Variants in PCGF3 observed in about 807,000 individuals in gnomAD.
The protein encoded by PCGF3 is polycomb group ring finger 3, also known as polycomb group RING finger protein 3.
Under a neutral mutation model 33.1 loss-of-function variants are expected in PCGF3, and 7 were observed. The ratio of observed to expected loss-of-function variants is 0.21; its 90% CI spans 0.12 to 0.40. The LOEUF (loss-of-function observed/expected upper bound fraction) is 0.40, where lower values mean the gene tolerates loss of function less well. PCGF3 is among the 10% of genes least tolerant of loss of function. PCGF3 has a pLI of 1.00. For missense variants in PCGF3, 211 were observed against 313.3 expected, an observed-to-expected ratio of 0.67 and a Z score of 2.46; for synonymous variants, 153 against 121.3, an observed-to-expected ratio of 1.26 and a Z score of -1.72.
intron 1 of PCGF3, among the ~76,000 whole-genome samples, chr4:708,177 A>G (rs911815722): frequency 1.3e-5 from 2 of 152,110 alleles, no homozygotes; most frequent in Non-Finnish European, 2.9e-5. Context: ...TGACATGGAC[A>G]GGCTTCTAGA....
intron 1 of PCGF3, among the ~76,000 whole-genome samples, chr4:727,233 C>CTTTGTTTTTTT (rs1743367327): frequency 4.8e-5 from 3 of 61,892 alleles, no homozygotes; most frequent in Non-Finnish European, 8.7e-5. Flanking sequence ...TAGCGAGCGT[C>CTTTGTTTTTTT]TTTTTTTTTT....
intron 1 of PCGF3, among the ~76,000 whole-genome samples, chr4:726,020 G>T (rs1372448168): frequency 6.6e-6 from 1 of 152,136 alleles, no homozygotes; most frequent in Non-Finnish European, 1.5e-5. Flanking sequence ...CCCGTCCACC[G>T]TGTGTCCATG....
intron 9 of PCGF3, chr4:761,825 G>C: frequency 1.0e-6 from 1 of 985,442 alleles, no homozygotes; most frequent in South Asian, 4.7e-5. Flanking sequence ...TTGGCAGCGG[G>C]CGCACCATGA....
At chr4:743,550 C>T in exon 7 of PCGF3, 2 of 1,611,628 alleles carry the variant, frequency 1.2e-6, no homozygotes, top group Non-Finnish European at 1.7e-6. Context: ...GGGAGACCTG[C>T]TCTGCAAAAC....
At chr4:749,578 C>T (rs1481878540) in intron 8 of PCGF3, among the ~76,000 whole-genome samples, 1 of 146,148 alleles carries the variant, frequency 6.8e-6, no homozygotes, top group Non-Finnish European at 1.5e-5. Flanking sequence ...CCTCTGCCTC[C>T]TGGGTTCAAG....
chr4:707,366 C>G (rs1010976149), intron 1 of PCGF3, among the ~76,000 whole-genome samples: 5 of 152,226 alleles, frequency 3.3e-5, no homozygotes, highest in African/African-American at 1.2e-4. Context: ...GACCCCATGA[C>G]CATAATTCAG....
exon 11 of PCGF3, chr4:767,945 C>T (rs986214095): frequency 9.2e-5 from 14 of 152,648 alleles, no homozygotes; most frequent in African/African-American, 3.4e-4. Context: ...AGAACTTAGG[C>T]ATTTTCCTGT....
chr4:742,044 C>T (rs1744115098), intron 6 of PCGF3, among the ~76,000 whole-genome samples: 1 of 152,138 alleles, frequency 6.6e-6, no homozygotes. Context: ...AATCTTTCAG[C>T]ATTTCCCTTG....
At chr4:727,745 G>C (rs571961862) in intron 1 of PCGF3, among the ~76,000 whole-genome samples, 3 of 152,170 alleles carry the variant, frequency 2.0e-5, no homozygotes, top group Non-Finnish European at 4.4e-5. Flanking sequence ...TAAAAAGGAT[G>C]ACTAACCGTT....
chr4:716,457 A>G (rs1436867485), intron 1 of PCGF3, among the ~76,000 whole-genome samples: 1 of 137,832 alleles, frequency 7.3e-6, no homozygotes, highest in Non-Finnish European at 1.5e-5. Context: ...GACCCTGTGG[A>G]CACTGCGAGT....
intron 8 of PCGF3, among the ~76,000 whole-genome samples, chr4:756,357 C>G (rs957506402): frequency 6.6e-6 from 1 of 151,734 alleles, no homozygotes; most frequent in Non-Finnish European, 1.5e-5. Flanking sequence ...GGATTACAGG[C>G]ACGCACCACC....
Position 753,783 on chromosome 4 carries a change from A to C in PCGF3, c.463-7496A>C, listed in dbSNP as rs138990047. 5.8e-3 allele frequency among the ~76,000 whole-genome samples: 889 copies of C among 152,166 alleles called. 9 individuals are homozygous for C. Among genetic ancestry groups the C allele is most frequent in the African/African-American group, 0.021 (855 of 41,496 alleles). ...GGCAACAAGGTGAAACCCCGTCTCT[A>C]CTAAAATACAAAAAATTAGCCGGGC... On this transcript the variant is annotated intron_variant, in intron 8 of 10. Transcript: ENST00000362003.
chr4:743,282 G>A (rs541698727), intron 6 of PCGF3, among the ~76,000 whole-genome samples, 192 bp from the exon 7 acceptor site: 1 of 152,320 alleles, frequency 6.6e-6, no homozygotes, highest in East Asian at 1.9e-4. Flanking sequence ...TGGTGGGGCG[G>A]GTGCCCGGGG....
At chr4:722,244 A>G (rs1317364120) in intron 1 of PCGF3, 1 of 164,002 alleles carries the variant, frequency 6.1e-6, no homozygotes, top group African/African-American at 2.4e-5. Flanking sequence ...ATCATACTGA[A>G]TACGTGTGTA....
chr4:749,633 C>T (rs1376843981), intron 8 of PCGF3, among the ~76,000 whole-genome samples: 8 of 151,366 alleles, frequency 5.3e-5, no homozygotes, highest in African/African-American at 1.9e-4. Context: ...ATTACAGGCA[C>T]ACCCCACCAC....
At chr4:738,320 A>T (rs915610792) in intron 6 of PCGF3, among the ~76,000 whole-genome samples, 2 of 152,216 alleles carry the variant, frequency 1.3e-5, no homozygotes, top group South Asian at 2.1e-4. Context: ...CTTCTTCCCT[A>T]CTCACAGAGT....
intron 1 of PCGF3, among the ~76,000 whole-genome samples, chr4:722,707 T>C (rs181631788): frequency 0.37 from 12,486 of 33,786 alleles, 3,309 homozygotes; most frequent in African/African-American, 0.56. Flanking sequence ...CTGTCTGCGC[T>C]GGGTCCACAC....
chr4:749,259 T>TGG lies in PCGF3; in HGVS notation c.462+4572_462+4573insGG, dbSNP rs1303457350. 2.6e-5 allele frequency among the ~76,000 whole-genome samples: 4 copies of TGG among 151,634 alleles called. No individual in the cohort carries two copies. The South Asian group carries it at 6.3e-4, about 24-fold the overall frequency. ...GGCTCACTGCAACCTCTGCCTCCCATGTTCAAGCGATTATCCTGCCTCAGC... is the reference window on the plus strand; with the variant it reads ...GGCTCACTGCAACCTCTGCCTCCCATGGGTTCAAGCGATTATCCTGCCTCAGC... On this transcript the variant is annotated intron_variant, in intron 8 of 10. Coordinates refer to ENST00000362003, the Ensembl canonical transcript of PCGF3.
chr4:761,549 G>T, intron 9 of PCGF3, 133 bp downstream of exon 9: 1 of 1,395,458 alleles, frequency 7.2e-7, no homozygotes. Context: ...AATCCGTTTT[G>T]CCTGCTTCAC....
Sources: allele counts gnomAD v4.1 joint callset (sites outside exome capture counted in the v4.1 genomes callset), GRCh38; gene constraint gnomAD v4.1.1; transcripts MANE v1.5; gene names NCBI Gene and HGNC (gene_info 2026-07-23, HGNC 2026-07-21).